The following MX1 variants were observed in gnomAD, a reference collection of about 807,000 sequenced individuals.
MX1 encodes the protein interferon-induced GTP-binding protein Mx1.
In MX1, 66 loss-of-function variants were observed where a neutral mutation model predicts 66.4. The ratio of observed to expected loss-of-function variants is 0.99; its 90% confidence interval spans 0.82 to 1.22. MX1 has a LOEUF of 1.22. Among genes scored for constraint, MX1 ranks in the 50% most tolerant of loss-of-function variants. The pLI is 0.00. For missense variants in MX1, 787 were observed against 834.3 expected (o/e 0.94, Z 0.70); for synonymous variants, 311 against 318.1 (o/e 0.98, Z 0.24).
intron 10 of MX1, chr21:41,443,457 C>A (rs1012048823): frequency 3.7e-6 from 1 of 270,454 alleles, no homozygotes. Context: ...ACACATATTA[C>A]ACATAGAAGG....
At chr21:41,444,308 T>G (rs1272662246) in intron 11 of MX1, among the ~76,000 whole-genome samples, 2 of 146,556 alleles carry the variant, frequency 1.4e-5, no homozygotes, top group African/African-American at 5.1e-5. Flanking sequence ...TCTTTTCTTT[T>G]CTTTTCTTTC....
intron 10 of MX1, 175 bp from the exon 11 acceptor site, chr21:41,443,613 A>G: frequency 1.5e-6 from 1 of 649,766 alleles, no homozygotes; most frequent in South Asian, 1.8e-5. Flanking sequence ...GATTGCTAAA[A>G]TTCAGTCATA....
intron 12 of MX1, 74 bp downstream of exon 12, chr21:41,445,644 C>T (rs183280545): frequency 3.9e-4 from 627 of 1,589,106 alleles, no homozygotes; most frequent in Non-Finnish European, 3.6e-4. Context: ...GCCTTATGCA[C>T]TTCCTTCTTC....
At chr21:41,453,349 A>C (rs1239533499) in intron 16 of MX1, among the ~76,000 whole-genome samples, 3 of 152,220 alleles carry the variant, frequency 2.0e-5, no homozygotes, top group Non-Finnish European at 4.4e-5. Context: ...GGGTGGGGAC[A>C]CAGAGCCAAA....
rs554781214 is a variant in MX1, at chr21:41,440,211, A to G, written c.591+363A>G. The stretch of plus-strand genomic sequence containing the variant: ...TGGGAAGAGAGCATTAAAAATAAGT[A>G]TAATGGGCCACACACAGTGGCTCAG... On this transcript the variant is annotated intron_variant, in intron 8 of 16. Transcript: ENST00000398598. Among the ~76,000 whole-genome samples the G allele has an allele frequency of 4.1e-4, 63 of 152,344 alleles. 2 individuals carry two copies. The South Asian group carries it at 0.012, about 30-fold the overall frequency.
chr21:41,440,918 G>A lies in MX1; in HGVS notation c.623G>A (p.Arg208Lys), dbSNP rs766678850. ...IKTLIKKYIQ[R>K]QETISLVVVP... is the part of the protein sequence containing the mutation. The stretch of plus-strand genomic sequence containing the variant: ...ACACTCATCAAGAAGTACATCCAGA[G>A]GCAGGAGACAATCAGCCTGGTGGTG... The change falls in exon 9 of 17, where the codon AGG becomes AAG. Residue 208 changes from arginine (R) to lysine (K), a missense_variant. Transcript: ENST00000398598. 6.2e-7 allele frequency: 1 copy of A among 1,614,192 alleles called. No homozygotes were observed. The highest frequency in any genetic ancestry group is 1.1e-5 in the South Asian group (1 of 91,076).
rs763222523 is a variant in MX1 at position 41,446,016 on chromosome 21, A to T, written c.1148A>T (p.Asn383Ile). 2 of 1,614,124 alleles carry T rather than the reference A, an allele frequency of 1.2e-6. No homozygotes were observed. Among genetic ancestry groups the T allele is most frequent in the Non-Finnish European group, 1.7e-6 (2 of 1,179,958 alleles). ...FFLIDKVNAF[N>I]QDITALMQGE... Reference sequence around the variant, plus strand: ...TCTTGACAGAAAGTTAATGCCTTTAATCAGGACATCACTGCTCTCATGCAA... The same window carrying T: ...TCTTGACAGAAAGTTAATGCCTTTATTCAGGACATCACTGCTCTCATGCAA... The change falls in exon 13 of 17, where the codon AAT becomes ATT. Residue 383 changes from asparagine (N) to isoleucine (I), a missense_variant. Asn to Ile is a moderately radical substitution (Grantham distance 149, BLOSUM62 -3). Transcript: ENST00000398598.
intron 16 of MX1, among the ~76,000 whole-genome samples, chr21:41,455,608 A>G (rs1426363889): frequency 6.6e-6 from 1 of 152,288 alleles, no homozygotes; most frequent in Non-Finnish European, 1.5e-5. Flanking sequence ...ATGCATATAC[A>G]TTTTATAATG....
At position 41,441,538 on chromosome 21, in the gene MX1, G is replaced by A. The variant is rs572963754; in HGVS notation, c.731-178G>A. 37 of 647,352 alleles carry A rather than the reference G, an allele frequency of 5.7e-5. No homozygotes were observed. The African/African-American group carries it at 5.8e-4, about 10-fold the overall frequency. 40.1% of individuals were successfully genotyped at this position (647,352 alleles called of 1,614,324 possible). A position where few individuals can be genotyped will look rare whatever the true frequency, so the allele number is the denominator to read the frequency against. ...AGGCATCCCTGCCTTCACGCGGCTT[G>A]TCGTGGAGTTCTTTTCTGGAGCGGG... is the stretch of plus-strand genomic sequence containing the variant. On this transcript the variant is annotated intron_variant, in intron 9 of 16. Coordinates refer to ENST00000398598, the MANE Select transcript of MX1 (RefSeq NM_002462.5). This position sits in a 1 kb window ranked among gnomAD's most constrained non-coding sequence, Gnocchi z 4.0.
intron 5 of MX1, among the ~76,000 whole-genome samples, chr21:41,433,305 G>C (rs1353922821): frequency 6.6e-6 from 1 of 152,248 alleles, no homozygotes; most frequent in East Asian, 1.9e-4. Flanking sequence ...TGATTCTGCT[G>C]TGTGCTGGAG....
chr21:41,428,235 G>T (rs1278487115), intron 3 of MX1: 1 of 152,238 alleles, frequency 6.6e-6, no homozygotes, highest in African/African-American at 2.4e-5. Context: ...TGTTAACCAG[G>T]TTTCCTGCAC....
In MX1 at chr21:41,439,657, C is replaced by G. The variant is rs745957908; in HGVS notation, c.437-37C>G. 91 of 1,603,664 alleles carry G rather than the reference C, an allele frequency of 5.7e-5. 1 individual carries two copies. Among genetic ancestry groups the G allele is most frequent in the Non-Finnish European group, 7.7e-5 (90 of 1,171,594 alleles). ...CATCATGAGATCCGTTTATCCTAAG[C>G]TCTGTTTGGGTTTGATTTTCCCTGT... On this transcript the variant is annotated intron_variant, in intron 7 of 16. Transcript: ENST00000398598.
chr21:41,428,753 G>A (rs1240285740), intron 3 of MX1: 2 of 152,204 alleles, frequency 1.3e-5, no homozygotes, highest in Admixed American at 6.5e-5. Flanking sequence ...TACTATGAGC[G>A]AAAGTGAGAA....
In MX1 at chr21:41,449,234, C is replaced by T. The variant is rs200039032; in HGVS notation, c.1371C>T (p.Ile457=). 234 of 1,613,936 alleles carry T rather than the reference C, an allele frequency of 1.4e-4. No individual in the cohort carries two copies. The highest frequency in any genetic ancestry group is 2.4e-4 in the South Asian group (22 of 91,062). Residue 457 remains isoleucine (I), a synonymous_variant, in exon 14 of 17, where the codon ATC becomes ATT. Coordinates refer to ENST00000398598, the MANE Select transcript of MX1 (RefSeq NM_002462.5). ...TGAATTACAGGACATTTGAGACAAT[C>T]GTGAAACAGCAAATCAAGGCACTGG... ...GFVNYRTFET[I]VKQQIKALEE... is the part of the protein sequence containing the mutation.
intron 4 of MX1, 33 bp from the exon 5 acceptor site, chr21:41,432,017 T>G: frequency 6.3e-7 from 1 of 1,582,606 alleles, no homozygotes; most frequent in Non-Finnish European, 8.7e-7. Flanking sequence ...CCCAGCTGCT[T>G]ATCTGTTCAA....
chr21:41,448,934 G>GCC (rs1416184884), intron 13 of MX1, among the ~76,000 whole-genome samples: 46 of 2,160 alleles, frequency 0.021, no homozygotes, highest in African/African-American at 0.14. Context: ...CTGGTTTTGT[G>GCC]TGTGTGTGTG....
At chr21:41,431,921 G>A (rs1039664219) in intron 4 of MX1, 129 bp from the exon 5 acceptor site, 3 of 667,402 alleles carry the variant, frequency 4.5e-6, no homozygotes, top group African/African-American at 1.8e-5. Flanking sequence ...TACGCTCTGG[G>A]GACATCACCA....
At chr21:41,451,858 A>AAAG (rs1568995083) in intron 15 of MX1, among the ~76,000 whole-genome samples, 2 of 138,222 alleles carry the variant, frequency 1.4e-5, no homozygotes, top group African/African-American at 5.5e-5. Flanking sequence ...AAAACAAACA[A>AAAG]AAAAACTTTC....
intron 16 of MX1, among the ~76,000 whole-genome samples, chr21:41,453,652 A>G (rs2090889492): frequency 1.3e-5 from 2 of 152,228 alleles, no homozygotes; most frequent in Non-Finnish European, 2.9e-5. Context: ...CAGTCTCAGG[A>G]GGTCCTGAGG....
Sources: allele counts gnomAD v4.1 joint callset (sites outside exome capture counted in the v4.1 genomes callset), GRCh38; gene constraint gnomAD v4.1.1; non-coding constraint Gnocchi (gnomAD v3.1); transcripts MANE v1.5; gene names NCBI Gene and HGNC (gene_info 2026-07-23, HGNC 2026-07-21).